The following NLGN1 variants were observed in gnomAD, a reference collection of about 807,000 sequenced individuals.
NLGN1 encodes neuroligin 1, also known as neuroligin-1.
In NLGN1, 12 loss-of-function variants were observed where a neutral mutation model predicts 65.5. That is an observed-to-expected ratio of 0.18 (90% CI 0.12 to 0.30). The LOEUF (loss-of-function observed/expected upper bound fraction) is 0.30, where lower values mean the gene tolerates loss of function less well. Ranked by LOEUF, NLGN1 falls within the 10% of genes least tolerant of loss-of-function variation. NLGN1 has a pLI of 1.00. For synonymous variants in NLGN1, 350 were observed against 359.5 expected (o/e 0.97, Z 0.30); for missense variants, 750 against 1,007.1 (o/e 0.74, Z 3.46).
intron 1 of NLGN1, among the ~76,000 whole-genome samples, chr3:173,416,847 G>C (rs1713898877): frequency 1.3e-5 from 2 of 152,134 alleles, no homozygotes; most frequent in Non-Finnish European, 2.9e-5. Context: ...AATGTATTTT[G>C]AGAGACATAT....
At chr3:174,209,094 GTATTTTTT>G (rs768577441) in intron 4 of NLGN1, among the ~76,000 whole-genome samples, 4 of 151,848 alleles carry the variant, frequency 2.6e-5, no homozygotes, top group Non-Finnish European at 5.9e-5. Flanking sequence ...GCTAATTTTT[GTATTTTTT>G]TAATAGAAAC....
chr3:173,849,709 G>C (rs753377288), intron 4 of NLGN1, among the ~76,000 whole-genome samples: 5 of 152,068 alleles, frequency 3.3e-5, no homozygotes, highest in South Asian at 2.1e-4. Flanking sequence ...TGTGGCTTTA[G>C]CCTCTCGTAT....
chr3:173,453,073 G>A (rs1053399703), intron 2 of NLGN1, among the ~76,000 whole-genome samples: 1 of 151,888 alleles, frequency 6.6e-6, no homozygotes, highest in African/African-American at 2.4e-5. Flanking sequence ...CTGAAGATTA[G>A]GGTGGCTATG....
intron 3 of NLGN1, among the ~76,000 whole-genome samples, chr3:173,756,783 G>C (rs1220094949): frequency 7.0e-6 from 1 of 143,498 alleles, no homozygotes; most frequent in South Asian, 2.2e-4. Flanking sequence ...AAAAAACCCA[G>C]AAACACATAG....
intron 2 of NLGN1, among the ~76,000 whole-genome samples, chr3:173,485,297 C>T (rs1727999093): frequency 1.3e-5 from 2 of 152,010 alleles, no homozygotes; most frequent in Non-Finnish European, 2.9e-5. Flanking sequence ...AATGGGGACA[C>T]AGAGCCAAAC....
intron 2 of NLGN1, among the ~76,000 whole-genome samples, chr3:173,482,868 C>T (rs1727525235): frequency 6.6e-6 from 1 of 152,018 alleles, no homozygotes; most frequent in Non-Finnish European, 1.5e-5. Flanking sequence ...TGGACAGAAT[C>T]TTAGGCTTCC....
chr3:173,838,094 A>T lies in NLGN1; in HGVS notation c.646+30262A>T, dbSNP rs377634017. On this transcript the variant is annotated intron_variant, in intron 4 of 6. Transcript: ENST00000457714. Reference sequence around the variant, plus strand: ...ATGACAGGATTGAGTGTAGAATGAGATTTTTTTGATTCCCAGCTCAAGGTT... The same window carrying T: ...ATGACAGGATTGAGTGTAGAATGAGTTTTTTTTGATTCCCAGCTCAAGGTT... Among the ~76,000 whole-genome samples the T allele has an allele frequency of 1.3e-4, 20 of 152,136 alleles. No homozygotes were observed. In the East Asian group the frequency reaches 2.3e-3, roughly 18 times the overall value.
At chr3:173,465,847 G>A (rs1053412728) in intron 2 of NLGN1, among the ~76,000 whole-genome samples, 2 of 152,128 alleles carry the variant, frequency 1.3e-5, no homozygotes, top group Admixed American at 6.6e-5. Context: ...AGATTCCATC[G>A]ACAGTGTGAA....
At chr3:174,184,669 G>A (rs1371591517) in intron 4 of NLGN1, among the ~76,000 whole-genome samples, 3 of 152,252 alleles carry the variant, frequency 2.0e-5, no homozygotes, top group African/African-American at 7.2e-5. Flanking sequence ...GAAGAAACAG[G>A]GAGCCTGAAG....
At chr3:173,884,681 CT>C (rs1733994436) in intron 4 of NLGN1, among the ~76,000 whole-genome samples, 2 of 152,000 alleles carry the variant, frequency 1.3e-5, no homozygotes, top group South Asian at 4.1e-4. Flanking sequence ...TTATTTTTAT[CT>C]CATGAATTAA....
intron 2 of NLGN1, among the ~76,000 whole-genome samples, chr3:173,576,468 G>A (rs763166662): frequency 1.2e-4 from 19 of 152,068 alleles, no homozygotes; most frequent in East Asian, 1.9e-4. Flanking sequence ...AAAAAATTCC[G>A]TTTTCTTGCC....
chr3:173,978,970 ACT>A (rs1718166399), intron 4 of NLGN1, among the ~76,000 whole-genome samples: 1 of 151,590 alleles, frequency 6.6e-6, no homozygotes, highest in East Asian at 1.9e-4. Flanking sequence ...ATGCTACCAC[ACT>A]CCAGCCTGGA....
At chr3:173,467,060 TC>T (rs986439245) in intron 2 of NLGN1, among the ~76,000 whole-genome samples, 5 of 152,156 alleles carry the variant, frequency 3.3e-5, no homozygotes, top group African/African-American at 1.2e-4. Context: ...AAAATATATT[TC>T]TAATCTCATC....
At chr3:174,250,334 C>G (rs1744548138) in intron 4 of NLGN1, among the ~76,000 whole-genome samples, 1 of 152,124 alleles carries the variant, frequency 6.6e-6, no homozygotes, top group Admixed American at 6.5e-5. Flanking sequence ...ATGGGCATTA[C>G]TAAAATATAA....
At chr3:174,273,021 C>CTGTT (rs1553987401) in intron 4 of NLGN1, among the ~76,000 whole-genome samples, 2 of 149,504 alleles carry the variant, frequency 1.3e-5, no homozygotes, top group Admixed American at 1.3e-4. Context: ...TTTTACAGCA[C>CTGTT]TGTTGTTATA....
rs192293464 is a variant in NLGN1, at chr3:173,756,627, A to G, written c.494-51053A>G. Among the ~76,000 whole-genome samples the G allele has an allele frequency of 2.9e-3, 448 of 151,910 alleles. 1 individual carries two copies. Among genetic ancestry groups the G allele is most frequent in the South Asian group, 0.012 (59 of 4,816 alleles). The stretch of plus-strand genomic sequence containing the variant: ...GAGCATAAAAATTGCGTCTCTAAAT[A>G]CCATTTCCCATTAATAGGAAACAGA... On this transcript the variant is annotated intron_variant, in intron 3 of 6. Transcript: ENST00000457714.
intron 2 of NLGN1, among the ~76,000 whole-genome samples, chr3:173,451,405 G>A (rs1343586721): frequency 1.3e-5 from 2 of 152,150 alleles, no homozygotes; most frequent in Non-Finnish European, 2.9e-5. Flanking sequence ...GCTGCTGCCT[G>A]ATCGTTCCTC....
intron 3 of NLGN1, among the ~76,000 whole-genome samples, chr3:173,656,279 C>G (rs1016916244): frequency 1.3e-5 from 2 of 151,878 alleles, no homozygotes; most frequent in Non-Finnish European, 2.9e-5. Flanking sequence ...TGCTGGTAGG[C>G]AAGACAAAAA....
At chr3:173,903,917 G>GTCTT (rs1216939350) in intron 4 of NLGN1, among the ~76,000 whole-genome samples, 1 of 151,872 alleles carries the variant, frequency 6.6e-6, no homozygotes, top group Non-Finnish European at 1.5e-5. Flanking sequence ...AATACTTGTA[G>GTCTT]TCTTTTTTCC....
Sources: allele counts gnomAD v4.1 joint callset (sites outside exome capture counted in the v4.1 genomes callset), GRCh38; gene constraint gnomAD v4.1.1; transcripts MANE v1.5; gene names NCBI Gene and HGNC (gene_info 2026-07-23, HGNC 2026-07-21).